RANBP2: variants seen among roughly 807,000 people sequenced by gnomAD.
The protein encoded by RANBP2 is RAN binding protein 2.
A neutral mutation model predicts 303.6 loss-of-function variants in RANBP2; 57 were observed. That is an observed-to-expected ratio of 0.19 (90% confidence interval 0.15 to 0.23). The LOEUF is 0.23. Among genes scored for constraint, RANBP2 ranks in the 10% least tolerant of loss-of-function variants. The pLI is 1.00. For synonymous variants in RANBP2, 1,167 were observed against 1,301.5 expected (o/e 0.90, Z 2.23); for missense variants, 3,138 against 3,780.8 (o/e 0.83, Z 4.46).
At chr2:109,603,243 A>T in the RANBP2 span, among the ~76,000 whole-genome samples, 27 of 148,380 alleles carry the variant, frequency 1.8e-4, no homozygotes, top group East Asian at 1.6e-3. Context: ...TAATATTATT[A>T]TTTTTTTTTT....
chr2:109,043,383 C>G, the RANBP2 span, among the ~76,000 whole-genome samples: 1 of 152,048 alleles, frequency 6.6e-6, no homozygotes, highest in Non-Finnish European at 1.5e-5. Flanking sequence ...TCTTCTGTCC[C>G]CCAGGCTGGA....
the RANBP2 span, among the ~76,000 whole-genome samples, chr2:109,174,128 C>T: frequency 6.6e-6 from 1 of 152,240 alleles, no homozygotes. Context: ...AGGGCTGTGC[C>T]ATAGGGCAGA....
At chr2:109,042,740 C>T in the RANBP2 span, among the ~76,000 whole-genome samples, 1,027 of 152,238 alleles carry the variant, frequency 6.7e-3, 6 homozygotes, top group East Asian at 0.035. Context: ...TCATCTAGTC[C>T]ACATCTAGTC....
Position 108,764,250 on chromosome 2 carries a change from G to C in RANBP2, c.3711G>C (p.Glu1237Asp), listed in dbSNP as rs752041443. 1 of 1,613,886 alleles carries C rather than the reference G, an allele frequency of 6.2e-7. No individual in the cohort carries two copies. The highest frequency in any genetic ancestry group is 1.7e-5 in the Admixed American group (1 of 59,962). The change falls in exon 20 of 29, where the codon GAG (glutamate) becomes GAC (aspartate). Residue 1237 changes from glutamate to aspartate, a missense_variant. Around this residue, in one of 20 missense-constraint regions of RANBP2, gnomAD observed 72 missense variants for 119.5 expected, o/e 0.60. Transcript: ENST00000283195. The stretch of plus-strand genomic sequence containing the variant: ...AAATTCGCCTTCTAATGAGACGAGA[G>C]CAAGTATTGAAAATCTGTGCAAATC... ...SGKIRLLMRR[E>D]QVLKICANHY... is the part of the protein sequence containing the mutation.
At chr2:109,042,001 G>C in the RANBP2 span, among the ~76,000 whole-genome samples, 1 of 152,048 alleles carries the variant, frequency 6.6e-6, no homozygotes, top group African/African-American at 2.4e-5. Flanking sequence ...CTTATGATAC[G>C]TTTTTATCTA....
At chr2:108,792,995 C>G in the RANBP2 span, among the ~76,000 whole-genome samples, 282 of 151,308 alleles carry the variant, frequency 1.9e-3, 3 homozygotes, top group African/African-American at 6.6e-3. Flanking sequence ...ACCCGGGAAG[C>G]GGAGGTTGCA....
the RANBP2 span, among the ~76,000 whole-genome samples, chr2:109,318,688 A>G: frequency 6.6e-6 from 1 of 152,102 alleles, no homozygotes; most frequent in Non-Finnish European, 1.5e-5. Context: ...GGTCTCTCAG[A>G]TCATGCCCTG....
chr2:108,990,372 A>C, the RANBP2 span, among the ~76,000 whole-genome samples: 4 of 145,214 alleles, frequency 2.8e-5, no homozygotes, highest in South Asian at 2.2e-4. Flanking sequence ...CGGAGCTTGC[A>C]GTGAGCCGAG....
chr2:109,719,026 AAAG>A, the RANBP2 span, among the ~76,000 whole-genome samples: 1 of 139,824 alleles, frequency 7.2e-6, no homozygotes, highest in Admixed American at 8.0e-5. Flanking sequence ...AAAAAAAAAA[AAAG>A]AAACAAAAAC....
the RANBP2 span, among the ~76,000 whole-genome samples, chr2:108,947,867 T>C: frequency 6.6e-6 from 1 of 152,254 alleles, no homozygotes. Context: ...CCTTGTTACT[T>C]ATGCAAATTT....
the RANBP2 span, among the ~76,000 whole-genome samples, chr2:109,461,732 C>T: frequency 5.9e-5 from 9 of 152,340 alleles, no homozygotes; most frequent in African/African-American, 2.2e-4. Context: ...CACAATAGTG[C>T]CTCAGGCACC....
In RANBP2 at chr2:108,764,151, C is replaced by T. The variant is rs749275095; in HGVS notation, c.3612C>T (p.Phe1204=). 31 of 1,613,776 alleles carry T rather than the reference C, an allele frequency of 1.9e-5. No homozygotes were observed. The East Asian group carries it at 4.2e-4, about 22-fold the overall frequency. ...GCAACCGCGCGAAATTGTTTCGTTTCGATGTAGAATCCAAAGAATGGAAAG... is the reference window on the plus strand; with the variant it reads ...GCAACCGCGCGAAATTGTTTCGTTTTGATGTAGAATCCAAAGAATGGAAAG... ...FFCNRAKLFR[F]DVESKEWKER... The change falls in exon 20 of 29, where the codon TTC becomes TTT. Residue 1204 remains phenylalanine (F), a synonymous_variant. Coordinates refer to ENST00000283195, the MANE Select transcript of RANBP2 (RefSeq NM_006267.5).
At chr2:109,682,450 G>A in the RANBP2 span, among the ~76,000 whole-genome samples, 106 of 152,278 alleles carry the variant, frequency 7.0e-4, no homozygotes, top group Middle Eastern at 3.4e-3. Context: ...TGCTCCAGCT[G>A]TCTGTGAGTG....
At chr2:109,241,915 A>G in the RANBP2 span, among the ~76,000 whole-genome samples, 78 of 151,242 alleles carry the variant, frequency 5.2e-4, 1 homozygote, top group African/African-American at 1.7e-3. Context: ...ACAGGGGCCC[A>G]CCACCTCTGC....
the RANBP2 span, among the ~76,000 whole-genome samples, chr2:108,892,096 T>C: frequency 6.6e-6 from 1 of 151,672 alleles, no homozygotes; most frequent in Admixed American, 6.6e-5. Flanking sequence ...CCAGGCAGAG[T>C]GCTCAGGTAA....
rs748626413 is a variant in RANBP2 at position 108,766,895 on chromosome 2, T to C, written c.6356T>C (p.Leu2119Pro). ...ASDFSDGDAK[L>P]EQLAAKFKTP... Reference sequence around the variant, plus strand: ...GATTTCTCTGATGGTGATGCCAAACTAGAGCAGTTGGCAGCAAAATTTAAA... The same window carrying C: ...GATTTCTCTGATGGTGATGCCAAACCAGAGCAGTTGGCAGCAAAATTTAAA... The change falls in exon 20 of 29, where the codon CTA (leucine) becomes CCA (proline). Residue 2119 changes from leucine to proline, a missense_variant. Coordinates refer to ENST00000283195, the MANE Select transcript of RANBP2 (RefSeq NM_006267.5). The C allele has an allele frequency of 1.1e-5, 17 of 1,610,970 alleles. No homozygotes were observed.
chr2:109,671,269 G>A, the RANBP2 span, among the ~76,000 whole-genome samples: 1 of 152,196 alleles, frequency 6.6e-6, no homozygotes, highest in Non-Finnish European at 1.5e-5. Flanking sequence ...GCATGCCAGA[G>A]TGGTAGGAGG....
chr2:108,930,360 G>T, the RANBP2 span: 5 of 1,131,746 alleles, frequency 4.4e-6, no homozygotes, highest in Non-Finnish European at 6.6e-6. Context: ...TCTGCTGGGG[G>T]CTCGGTCTGG....
the RANBP2 span, among the ~76,000 whole-genome samples, chr2:108,851,810 A>G: frequency 8.5e-5 from 13 of 152,168 alleles, no homozygotes; most frequent in Non-Finnish European, 1.6e-4. Context: ...CATAACAAAG[A>G]CTAATGAGAC....
Sources: allele counts gnomAD v4.1 joint callset (sites outside exome capture counted in the v4.1 genomes callset), GRCh38; gene constraint gnomAD v4.1.1; regional missense constraint gnomAD v4.1.1; transcripts MANE v1.5; gene names NCBI Gene and HGNC (gene_info 2026-07-23, HGNC 2026-07-21).